ZNRF2: variants seen among roughly 807,000 people sequenced by gnomAD.
ZNRF2 encodes zinc and ring finger 2.
ZNRF2 carries 16 observed loss-of-function variants against 20.4 expected under a neutral mutation model. The observed-to-expected ratio is 0.79, with a 90% CI of 0.53 to 1.19. The LOEUF (loss-of-function observed/expected upper bound fraction) is 1.19, where lower values mean the gene tolerates loss of function less well. Among genes scored for constraint, ZNRF2 ranks in the 50% most tolerant of loss-of-function variants. The pLI is 0.00. For missense variants in ZNRF2, 363 were observed against 332.4 expected (o/e 1.09, Z -0.72); for synonymous variants, 178 against 144.9 (o/e 1.23, Z -1.64).
intron 1 of ZNRF2, among the ~76,000 whole-genome samples, chr7:30,295,787 A>G (rs17158839): frequency 0.03 from 4,584 of 152,352 alleles, 175 homozygotes; most frequent in African/African-American, 0.09. Flanking sequence ...CGTACTTTTA[A>G]CTATTGAATG....
At chr7:30,300,794 A>C (rs1308574510) in intron 1 of ZNRF2, among the ~76,000 whole-genome samples, 1 of 152,244 alleles carries the variant, frequency 6.6e-6, no homozygotes, top group Non-Finnish European at 1.5e-5. Context: ...TTGGGAATTT[A>C]TTATGTTTTG....
Position 30,285,723 on chromosome 7 carries a change from G to GGACGGC in ZNRF2, c.368_373dup (p.Asp123_Gly124dup). The GGACGGC allele has an allele frequency of 6.8e-7, 1 of 1,475,568 alleles. No individual in the cohort carries two copies. The highest frequency in any genetic ancestry group is 2.6e-5 in the Admixed American group (1 of 37,834). 91.4% of individuals were successfully genotyped at this position (1,475,568 alleles called of 1,614,324 possible). On this transcript the variant is annotated inframe_insertion, in exon 1 of 5. Transcript: ENST00000323037. Reference sequence around the variant, plus strand: ...AGGACTCGGTGCACAGCAGCCCTGAGGACGGCGGCGGCGGCCGGGACCGGC... The same window carrying GGACGGC: ...AGGACTCGGTGCACAGCAGCCCTGAGGACGGCGACGGCGGCGGCGGCCGGGACCGGC...
chr7:30,305,243 A>G lies in ZNRF2; in HGVS notation c.470-18399A>G, dbSNP rs571028181. Among the ~76,000 whole-genome samples the G allele has an allele frequency of 5.9e-5, 9 of 152,328 alleles. No homozygotes were observed. In the South Asian group the frequency reaches 1.9e-3, roughly 32 times the overall value. The stretch of plus-strand genomic sequence containing the variant: ...GAACAGTTGTTAAATATCTACCCGA[A>G]TACCACTGGGTATAAAGTTTTGCTG... On this transcript the variant is annotated intron_variant, in intron 1 of 4. Transcript: ENST00000323037.
At chr7:30,346,806 GT>G (rs1466772374) in intron 2 of ZNRF2, among the ~76,000 whole-genome samples, 2 of 151,580 alleles carry the variant, frequency 1.3e-5, no homozygotes, top group Non-Finnish European at 2.9e-5. Flanking sequence ...ATTGTTTTTT[GT>G]TTGTTCCTTT....
chr7:30,333,232 T>G (rs1799662547), intron 2 of ZNRF2, among the ~76,000 whole-genome samples: 1 of 151,952 alleles, frequency 6.6e-6, no homozygotes, highest in Non-Finnish European at 1.5e-5. Context: ...TTTTGTAGTT[T>G]TAGTAGAGAT....
intron 1 of ZNRF2, among the ~76,000 whole-genome samples, chr7:30,302,405 T>G (rs750240987): frequency 1.3e-5 from 2 of 152,156 alleles, no homozygotes; most frequent in Admixed American, 6.5e-5. Flanking sequence ...TGCAATAGGT[T>G]AGGGAGGCTT....
chr7:30,301,070 G>C (rs1409343001), intron 1 of ZNRF2, among the ~76,000 whole-genome samples: 1 of 152,216 alleles, frequency 6.6e-6, no homozygotes, highest in Non-Finnish European at 1.5e-5. Flanking sequence ...GATGAGAGCA[G>C]TCTGCTGCTC....
Position 30,285,311 on chromosome 7 carries a change from C to T in ZNRF2, c.-47C>T. On this transcript the variant is annotated 5_prime_UTR_variant, in exon 1 of 5. Coordinates refer to ENST00000323037, the MANE Select transcript of ZNRF2 (RefSeq NM_147128.4). ...GCTCCCGCGCTCGCTCCCGCCCTCCCGGCTCTCGGGGCGCAGCGCGCGGGC... is the reference window on the plus strand; with the variant it reads ...GCTCCCGCGCTCGCTCCCGCCCTCCTGGCTCTCGGGGCGCAGCGCGCGGGC... 1 of 1,066,194 alleles carries T rather than the reference C, an allele frequency of 9.4e-7. No individual in the cohort carries two copies. Among genetic ancestry groups the T allele is most frequent in the East Asian group, 6.7e-5 (1 of 14,838 alleles). The allele number at this position is 1,066,194 out of a possible 1,614,324, so 66.0% of individuals were successfully genotyped here. A position where few individuals can be genotyped will look rare whatever the true frequency, so the allele number is the denominator to read the frequency against.
At chr7:30,364,634 A>G (rs1404128975) in intron 4 of ZNRF2, among the ~76,000 whole-genome samples, 1 of 152,208 alleles carries the variant, frequency 6.6e-6, no homozygotes, top group Non-Finnish European at 1.5e-5. Context: ...TATGTTTGAG[A>G]CAAAACGAAA....
At chr7:30,352,920 C>CA (rs1271703518) in intron 2 of ZNRF2, among the ~76,000 whole-genome samples, 1 of 152,038 alleles carries the variant, frequency 6.6e-6, no homozygotes, top group Non-Finnish European at 1.5e-5. Flanking sequence ...AAGTCTTTCA[C>CA]AATTGTGAAA....
chr7:30,302,078 A>C (rs544609843), intron 1 of ZNRF2, among the ~76,000 whole-genome samples: 3 of 152,372 alleles, frequency 2.0e-5, no homozygotes, highest in Non-Finnish European at 2.9e-5. Flanking sequence ...GTTGAGGACC[A>C]AATTGTCTGG....
At chr7:30,352,212 A>T (rs1313790095) in intron 2 of ZNRF2, among the ~76,000 whole-genome samples, 1 of 152,054 alleles carries the variant, frequency 6.6e-6, no homozygotes, top group Non-Finnish European at 1.5e-5. Flanking sequence ...GGAAATTCAT[A>T]TTAAGTTTTC....
intron 1 of ZNRF2, among the ~76,000 whole-genome samples, chr7:30,310,979 G>T (rs1384716541): frequency 2.0e-5 from 3 of 152,086 alleles, no homozygotes; most frequent in East Asian, 3.8e-4. Context: ...TTAGTGGGAG[G>T]ATGCTAACTG....
At chr7:30,336,224 A>G (rs1300958969) in intron 2 of ZNRF2, among the ~76,000 whole-genome samples, 4 of 152,138 alleles carry the variant, frequency 2.6e-5, no homozygotes, top group African/African-American at 9.7e-5. Context: ...CTTGTATAAA[A>G]CTTTTAAAAG....
chr7:30,337,595 G>T (rs1194772113), intron 2 of ZNRF2, among the ~76,000 whole-genome samples: 2 of 152,036 alleles, frequency 1.3e-5, no homozygotes, highest in Non-Finnish European at 2.9e-5. Flanking sequence ...AGTTGACATT[G>T]TCTCTGTTTT....
chr7:30,359,338 A>G (rs1228306493), intron 3 of ZNRF2, among the ~76,000 whole-genome samples: 1 of 152,202 alleles, frequency 6.6e-6, no homozygotes, highest in South Asian at 2.1e-4. Context: ...AAAGTAAAAA[A>G]CTAGACTTTA....
rs1321746132 is a variant in ZNRF2, at chr7:30,339,996, C to T, written c.566-15732C>T. Among the ~76,000 whole-genome samples the T allele has an allele frequency of 3.9e-5, 6 of 152,042 alleles. No homozygotes were observed. The East Asian group carries it at 1.2e-3, about 29-fold the overall frequency. On this transcript the variant is annotated intron_variant, in intron 2 of 4. Coordinates refer to ENST00000323037, the MANE Select transcript of ZNRF2 (RefSeq NM_147128.4). ...TTCACATCTCTTGTAAGTTGTATTC[C>T]TAGGTATTTTATTCTCTTTGTAGCA... is the stretch of plus-strand genomic sequence containing the variant.
chr7:30,354,715 G>A (rs1396145353), intron 2 of ZNRF2, among the ~76,000 whole-genome samples: 1 of 152,116 alleles, frequency 6.6e-6, no homozygotes, highest in East Asian at 1.9e-4. Context: ...ATTTTGAAAA[G>A]CAGTAATTTG....
chr7:30,318,886 C>T (rs1799418185), intron 1 of ZNRF2, among the ~76,000 whole-genome samples: 1 of 151,866 alleles, frequency 6.6e-6, no homozygotes, highest in Admixed American at 6.6e-5. Context: ...CTGAGGCGGA[C>T]GGATCACCTG....
Sources: allele counts gnomAD v4.1 joint callset (sites outside exome capture counted in the v4.1 genomes callset), GRCh38; gene constraint gnomAD v4.1.1; transcripts MANE v1.5; gene names NCBI Gene and HGNC (gene_info 2026-07-23, HGNC 2026-07-21).